DLC1: variants seen among roughly 807,000 people sequenced by gnomAD.
The protein encoded by DLC1 is rho GTPase-activating protein 7.
Under a neutral mutation model 140.3 loss-of-function variants are expected in DLC1, and 54 were observed. That is an observed-to-expected ratio of 0.38 (90% CI 0.31 to 0.48). The LOEUF is 0.48. Ranked by LOEUF, DLC1 falls within the 20% of genes least tolerant of loss-of-function variation. The probability of loss-of-function intolerance (pLI) is 0.96; values close to 1 mark genes in which losing one functional copy is unlikely to be tolerated. For synonymous variants in DLC1, 986 were observed against 728.1 expected, an observed-to-expected ratio of 1.35 and a Z score of -5.70; for missense variants, 2,536 against 1,907.0, an observed-to-expected ratio of 1.33 and a Z score of -6.14.
intron 5 of DLC1, among the ~76,000 whole-genome samples, chr8:13,212,540 G>T (rs889471935): frequency 2.0e-5 from 3 of 152,006 alleles, no homozygotes; most frequent in African/African-American, 4.8e-5. Context: ...TTTTGGTATT[G>T]CTCTGGGCAC....
chr8:13,472,668 C>G (rs1349120168), intron 2 of DLC1, among the ~76,000 whole-genome samples: 1 of 152,156 alleles, frequency 6.6e-6, no homozygotes, highest in East Asian at 1.9e-4. Flanking sequence ...GTGTCTTAAA[C>G]AAGACTATGC....
intron 2 of DLC1, among the ~76,000 whole-genome samples, chr8:13,446,295 C>T (rs1472672276): frequency 1.3e-5 from 2 of 152,276 alleles, no homozygotes; most frequent in Admixed American, 1.3e-4. Flanking sequence ...AAATTTACCT[C>T]GTGTAATATA....
At chr8:13,459,604 C>A (rs986883019) in intron 2 of DLC1, among the ~76,000 whole-genome samples, 3 of 152,098 alleles carry the variant, frequency 2.0e-5, no homozygotes, top group Non-Finnish European at 4.4e-5. Context: ...CAGTGGTGAG[C>A]CCTGGGCCCC....
intron 1 of DLC1, among the ~76,000 whole-genome samples, chr8:13,573,838 T>C (rs537725757): frequency 3.3e-5 from 5 of 152,312 alleles, no homozygotes; most frequent in African/African-American, 1.2e-4. Flanking sequence ...ATATAAAATT[T>C]ACATATGACG....
rs199759496 is a variant in DLC1 at position 13,100,187 on chromosome 8, G to A, written c.2150C>T (p.Ser717Phe). Residue 717 changes from serine to phenylalanine, a missense_variant, in exon 9 of 18, where the codon TCC becomes TTC. Physicochemically the swap from Ser to Phe is radical, Grantham distance 155. Transcript: ENST00000276297. ...GTTGATGCGGTTGCCATTGAGGGCG[G>A]AGATCTCCACGCAGTTGAGCTGCTT... ...KLKQLNCVEI[S>F]ALNGNRINVP... The A allele has an allele frequency of 2.5e-6, 4 of 1,614,038 alleles. No homozygotes were observed. The Admixed American group carries it at 6.7e-5, about 27-fold the overall frequency.
chr8:13,589,272 T>G (rs1012329992), intron 1 of DLC1, among the ~76,000 whole-genome samples: 2 of 152,110 alleles, frequency 1.3e-5, no homozygotes, highest in African/African-American at 4.8e-5. Context: ...GTATTTTATA[T>G]AATTGTTGAA....
intron 4 of DLC1, among the ~76,000 whole-genome samples, chr8:13,384,618 A>G (rs749633362): frequency 2.0e-5 from 3 of 147,274 alleles, no homozygotes; most frequent in Non-Finnish European, 3.0e-5. Flanking sequence ...TGTAAAAAAT[A>G]ATGTCCAATG....
At chr8:13,226,658 T>C (rs1456154100) in intron 5 of DLC1, among the ~76,000 whole-genome samples, 1 of 152,204 alleles carries the variant, frequency 6.6e-6, no homozygotes, top group African/African-American at 2.4e-5. Flanking sequence ...GGGTGATCTA[T>C]GTATGTATGC....
At chr8:13,094,032 G>C (rs777285687) in intron 12 of DLC1, among the ~76,000 whole-genome samples, 8 of 152,162 alleles carry the variant, frequency 5.3e-5, no homozygotes, top group African/African-American at 7.2e-5. Flanking sequence ...TTTACAGCAA[G>C]ATAAAACACA....
chr8:13,535,346 G>T (rs1803241753), intron 1 of DLC1, among the ~76,000 whole-genome samples: 1 of 151,982 alleles, frequency 6.6e-6, no homozygotes, highest in African/African-American at 2.4e-5. Context: ...GTTACAACCA[G>T]AAAGAAGCAA....
intron 5 of DLC1, among the ~76,000 whole-genome samples, chr8:13,142,089 A>C (rs889057748): frequency 6.6e-6 from 1 of 152,200 alleles, no homozygotes; most frequent in East Asian, 1.9e-4. Flanking sequence ...CCACACTCAT[A>C]CATACACAGT....
At chr8:13,572,183 G>A (rs544567512) in intron 1 of DLC1, among the ~76,000 whole-genome samples, 11 of 150,196 alleles carry the variant, frequency 7.3e-5, no homozygotes, top group African/African-American at 2.0e-4. Context: ...TCCACCTCCC[G>A]GGTTCACACC....
chr8:13,363,493 A>C (rs1212143561), intron 4 of DLC1, among the ~76,000 whole-genome samples: 1 of 152,120 alleles, frequency 6.6e-6, no homozygotes, highest in Non-Finnish European at 1.5e-5. Context: ...CTGGTGACAG[A>C]AGTGGAAACT....
At chr8:13,272,199 G>A (rs1447758143) in intron 5 of DLC1, among the ~76,000 whole-genome samples, 2 of 152,270 alleles carry the variant, frequency 1.3e-5, no homozygotes, top group South Asian at 2.1e-4. Flanking sequence ...TGTAATCTCG[G>A]CAATTTGCGA....
chr8:13,507,938 T>G (rs962770332), intron 1 of DLC1, among the ~76,000 whole-genome samples: 9 of 152,226 alleles, frequency 5.9e-5, no homozygotes, highest in African/African-American at 2.2e-4. Flanking sequence ...ATTATTTTAT[T>G]GTTAACCCAT....
At chr8:13,304,498 T>C (rs1242814869) in intron 5 of DLC1, 2 of 239,568 alleles carry the variant, frequency 8.3e-6, no homozygotes, top group Non-Finnish European at 1.3e-5. Context: ...CAAACTCTAC[T>C]GCTTTAGTGT....
At chr8:13,353,773 C>T (rs1371728394) in intron 4 of DLC1, among the ~76,000 whole-genome samples, 1 of 151,786 alleles carries the variant, frequency 6.6e-6, no homozygotes, top group African/African-American at 2.4e-5. Context: ...AGGAGAATTG[C>T]TTGAACCCGG....
Position 13,382,087 on chromosome 8 carries a change from T to A in DLC1, c.1314+11466A>T, listed in dbSNP as rs971459566. ...AATCCTTCTTATTTAGAGGAAAAAATTTAGCAATATTGTTGTGTGTGGTAA... is the reference window on the plus strand; with the variant it reads ...AATCCTTCTTATTTAGAGGAAAAAAATTAGCAATATTGTTGTGTGTGGTAA... On this transcript the variant is annotated intron_variant, in intron 4 of 17. Transcript: ENST00000276297. Among the ~76,000 whole-genome samples the A allele has an allele frequency of 7.9e-5, 12 of 151,970 alleles. No individual in the cohort carries two copies. In the South Asian group the frequency reaches 1.2e-3, roughly 16 times the overall value.
chr8:13,273,513 C>G (rs1273519295), intron 5 of DLC1, among the ~76,000 whole-genome samples: 1 of 152,146 alleles, frequency 6.6e-6, no homozygotes, highest in Non-Finnish European at 1.5e-5. Context: ...TCTGTCCTTC[C>G]TCACAAACTG....
Sources: gnomAD v4.1 joint callset for allele counts (sites outside exome capture counted in the v4.1 genomes callset) on GRCh38, gnomAD v4.1.1 for gene constraint, MANE v1.5 for transcripts, NCBI Gene and HGNC (gene_info 2026-07-23, HGNC 2026-07-21) for gene names.